Variants in KNTC1 observed in about 807,000 individuals in gnomAD.
KNTC1 encodes kinetochore-associated protein 1.
In KNTC1, 253 loss-of-function variants were observed where a neutral mutation model predicts 314.4. The ratio of observed to expected loss-of-function variants is 0.80; its 90% confidence interval spans 0.73 to 0.89. KNTC1 has a LOEUF of 0.89. Among genes scored for constraint, KNTC1 ranks in the 40% least tolerant of loss-of-function variants. The probability of loss-of-function intolerance (pLI) is 0.00; values close to 1 mark genes in which losing one functional copy is unlikely to be tolerated. For synonymous variants in KNTC1, 901 were observed against 901.4 expected (o/e 1.00, Z 0.01); for missense variants, 2,475 against 2,572.9 (o/e 0.96, Z 0.82).
At chr12:122,550,491 C>T (rs1963120424) in intron 13 of KNTC1, among the ~76,000 whole-genome samples, 2 of 150,666 alleles carry the variant, frequency 1.3e-5, no homozygotes, top group African/African-American at 5.0e-5. Flanking sequence ...AAATTTAGGT[C>T]TCTGTGTTTT....
At chr12:122,536,061 T>G (rs908804904) in intron 3 of KNTC1, among the ~76,000 whole-genome samples, 1 of 148,092 alleles carries the variant, frequency 6.8e-6, no homozygotes, top group African/African-American at 2.5e-5. Flanking sequence ...GCCTGGGCAA[T>G]TTTTTGTATT....
chr12:122,581,361 G>A (rs189667010), intron 33 of KNTC1, among the ~76,000 whole-genome samples: 8 of 151,692 alleles, frequency 5.3e-5, no homozygotes, highest in Non-Finnish European at 7.4e-5. Context: ...CACCAAGCCC[G>A]GCTAATTTTG....
In KNTC1 at chr12:122,576,884, G is replaced by C. The variant is rs1965064999; in HGVS notation, c.2587-11G>C. 6.5e-7 allele frequency: 1 copy of C among 1,544,384 alleles called. No individual in the cohort carries two copies. The highest frequency in any genetic ancestry group is 2.3e-5 in the East Asian group (1 of 42,622). Reference sequence around the variant, plus strand: ...TCTATAACAAAGAAATGTTCATATTGTCTTTTGCAGAGAGTGGTTAGATAC... The same window carrying C: ...TCTATAACAAAGAAATGTTCATATTCTCTTTTGCAGAGAGTGGTTAGATAC... On this transcript the variant is annotated splice_polypyrimidine_tract_variant and intron_variant, in intron 29 of 63. Transcript: ENST00000333479.
chr12:122,609,595 T>C (rs1409806104), intron 52 of KNTC1, among the ~76,000 whole-genome samples, 165 bp downstream of exon 52: 1 of 151,990 alleles, frequency 6.6e-6, no homozygotes, highest in Non-Finnish European at 1.5e-5. Context: ...GAGTCTGCAG[T>C]GGAAAACATC....
At position 122,587,718 on chromosome 12, in the gene KNTC1, C is replaced by T. The variant is rs143939277; in HGVS notation, c.3738C>T (p.Gly1246=). Reference sequence around the variant, plus strand: ...TCCTTTATCACTCTGCAGGAGATGGCCTTGTTTTACCTGTTATAAATTCCA... The same window carrying T: ...TCCTTTATCACTCTGCAGGAGATGGTCTTGTTTTACCTGTTATAAATTCCA... The part of the protein sequence containing the change: ...LPYCSLNEGD[G]LVLPVINSIS... Residue 1246 remains glycine, a synonymous_variant, in exon 39 of 64, where the codon GGC becomes GGT. Coordinates refer to ENST00000333479, the MANE Select transcript of KNTC1 (RefSeq NM_014708.6). 7.8e-4 allele frequency: 1,264 copies of T among 1,611,010 alleles called. 13 individuals are homozygous for T. The East Asian group carries it at 0.026, about 33-fold the overall frequency.
chr12:122,602,243 C>T (rs1029022526), intron 45 of KNTC1, among the ~76,000 whole-genome samples: 1 of 151,830 alleles, frequency 6.6e-6, no homozygotes, highest in South Asian at 2.1e-4. Context: ...AGATCTGTAG[C>T]CTCTATATTT....
chr12:122,566,232 C>T (rs926481708), intron 20 of KNTC1, among the ~76,000 whole-genome samples: 2 of 151,556 alleles, frequency 1.3e-5, no homozygotes, highest in South Asian at 2.1e-4. Flanking sequence ...TGAGCCACTG[C>T]GCCCGGCCTA....
intron 30 of KNTC1, 139 bp from the exon 31 acceptor site, chr12:122,577,532 TC>T: frequency 1.1e-6 from 1 of 894,956 alleles, no homozygotes; most frequent in South Asian, 2.2e-5. Flanking sequence ...AAATGGATTT[TC>T]GGATTATTAA....
Position 122,620,584 on chromosome 12 carries a change from A to C in KNTC1, c.6255A>C (p.Ser2085=), listed in dbSNP as rs749478403. Residue 2085 remains serine, a synonymous_variant, in exon 60 of 64, where the codon TCA becomes TCC. Transcript: ENST00000333479. ...ALACLMLMPH[S]EKRHQQIKNF... ...CTTGTCTGATGCTCATGCCCCACTC[A>C]GAGAAAAGACACCAGCAAATTAAGG... The C allele has an allele frequency of 2.5e-6, 4 of 1,613,658 alleles. No homozygotes were observed. The highest frequency in any genetic ancestry group is 3.4e-6 in the Non-Finnish European group (4 of 1,179,670).
At position 122,573,166 on chromosome 12, in the gene KNTC1, C is replaced by T. The variant is rs201331566; in HGVS notation, c.2164C>T (p.Arg722Ter). Residue 722 changes from arginine to a stop codon, truncating the protein, a stop_gained, in exon 26 of 64, where the codon CGA becomes TGA. Transcript: ENST00000333479. LOFTEE classifies it high-confidence loss of function. The stretch of plus-strand genomic sequence containing the variant: ...GGAAAATACAACCACCATAGTGTTC[C>T]GAATGTTTGATAAAGTGCTGGCCCC... ...EKENTTTIVF[R>*]MFDKVLAPEL... is the part of the protein sequence containing the mutation. 1.5e-4 allele frequency: 235 copies of T among 1,613,664 alleles called. No individual in the cohort carries two copies. Among genetic ancestry groups the T allele is most frequent in the Non-Finnish European group, 1.8e-4 (215 of 1,179,840 alleles).
rs1872850818 is a variant in KNTC1 at position 122,609,180 on chromosome 12, G to A, written c.5497-204G>A. 2.0e-5 allele frequency: 11 copies of A among 556,640 alleles called. No homozygotes were observed. In the East Asian group the frequency reaches 3.5e-4, roughly 18 times the overall value. The allele number at this position is 556,640 out of a possible 1,614,324, so 34.5% of individuals were successfully genotyped here. A position where few individuals can be genotyped will look rare whatever the true frequency, so the allele number is the denominator to read the frequency against. On this transcript the variant is annotated intron_variant, in intron 51 of 63. Coordinates refer to ENST00000333479, the MANE Select transcript of KNTC1 (RefSeq NM_014708.6). ...GAATTGTGTCTATCATATAGTAAGT[G>A]CTCAGTGAATATTTGTTGAGTAAAC...
chr12:122,544,240 T>G lies in KNTC1; in HGVS notation c.640T>G (p.Leu214Val), dbSNP rs1370326380. ...TTGTCTCAGTCTTGTGGCTGGAGAT[T>G]TAGCAAGTGAAGTTCCTGTGATAAT... ...LGCLSLVAGD[L>V]ASEVPVIIGG... is the part of the protein sequence containing the mutation. The change falls in exon 8 of 64, where the codon TTA (leucine) becomes GTA (valine). Residue 214 changes from leucine to valine, a missense_variant. Transcript: ENST00000333479. The G allele has an allele frequency of 1.1e-5, 17 of 1,581,080 alleles. No individual in the cohort carries two copies. Among genetic ancestry groups the G allele is most frequent in the East Asian group, 2.3e-5 (1 of 43,746 alleles).
At chr12:122,557,740 T>C (rs1963696764) in intron 18 of KNTC1, 51 bp downstream of exon 18, 1 of 1,280,030 alleles carries the variant, frequency 7.8e-7, no homozygotes, top group East Asian at 2.4e-5. Flanking sequence ...GAGAATTTGC[T>C]TTAATCTCTC....
At chr12:122,564,542 T>C (rs1964179631) in intron 20 of KNTC1, among the ~76,000 whole-genome samples, 1 of 152,046 alleles carries the variant, frequency 6.6e-6, no homozygotes, top group South Asian at 2.1e-4. Context: ...CACTTTGGGA[T>C]GCCAAGGATA....
intron 16 of KNTC1, among the ~76,000 whole-genome samples, chr12:122,554,395 G>A (rs917433948): frequency 6.6e-6 from 1 of 151,814 alleles, no homozygotes; most frequent in African/African-American, 2.4e-5. Context: ...ATAATTCTGT[G>A]TATTGTTTAG....
chr12:122,585,858 C>A, intron 37 of KNTC1, 84 bp downstream of exon 37: 1 of 1,327,588 alleles, frequency 7.5e-7, no homozygotes. Context: ...TAGAACTACA[C>A]ACAGTAATGT....
At position 122,569,885 on chromosome 12, in the gene KNTC1, T is replaced by C. The variant is rs1039750844; in HGVS notation, c.1860+61T>C. The C allele has an allele frequency of 3.3e-6, 5 of 1,497,228 alleles. No homozygotes were observed. The Admixed American group carries it at 9.7e-5, about 29-fold the overall frequency. 92.7% of individuals were successfully genotyped at this position (1,497,228 alleles called of 1,614,324 possible). A position where few individuals can be genotyped will look rare whatever the true frequency, so the allele number is the denominator to read the frequency against. ...TTATTTCATTTTTTACATTAGATCA[T>C]TGAGAATTAAGTCACGTTAACACCA... On this transcript the variant is annotated intron_variant, in intron 22 of 63. Coordinates refer to ENST00000333479, the MANE Select transcript of KNTC1 (RefSeq NM_014708.6).
In KNTC1 at chr12:122,542,056, A is replaced by G; in HGVS notation, c.452A>G (p.Tyr151Cys). The change falls in exon 6 of 64, where the codon TAT becomes TGT. Residue 151 changes from tyrosine to cysteine, a missense_variant. By Grantham distance (194) the Tyr-to-Cys change is radical. Transcript: ENST00000333479. ...TCTGATTTTATTTCAATAGGTACCTATTATATGCTACTTCTTACATACAGT... is the reference window on the plus strand; with the variant it reads ...TCTGATTTTATTTCAATAGGTACCTGTTATATGCTACTTCTTACATACAGT... ...IEKDGSNEGT[Y>C]YMLLLTYSGF... The G allele has an allele frequency of 9.1e-6, 14 of 1,531,836 alleles. No individual in the cohort carries two copies. The highest frequency in any genetic ancestry group is 1.2e-5 in the Non-Finnish European group (14 of 1,133,458). The allele number at this position is 1,531,836 out of a possible 1,614,324, so 94.9% of individuals were successfully genotyped here.
intron 8 of KNTC1, among the ~76,000 whole-genome samples, chr12:122,545,018 G>A (rs1373896201): frequency 6.6e-6 from 1 of 152,102 alleles, no homozygotes; most frequent in African/African-American, 2.4e-5. Flanking sequence ...ACGTAGAAAA[G>A]CACAATTCAT....
Sources: allele counts gnomAD v4.1 joint callset (sites outside exome capture counted in the v4.1 genomes callset), GRCh38; gene constraint gnomAD v4.1.1; transcripts MANE v1.5; gene names NCBI Gene and HGNC (gene_info 2026-07-23, HGNC 2026-07-21).